Variants in SERPINA3 observed in about 807,000 individuals in gnomAD.
SERPINA3 encodes alpha-1-antichymotrypsin.
SERPINA3 carries 32 observed loss-of-function variants against 26.8 expected under a neutral mutation model. The observed-to-expected ratio is 1.20, with a 90% CI of 0.90 to 1.61. The LOEUF is 1.61. Among genes scored for constraint, SERPINA3 ranks in the 40% most tolerant of loss-of-function variants. The pLI is 0.00. For synonymous variants in SERPINA3, 252 were observed against 206.4 expected, an observed-to-expected ratio of 1.22 and a Z score of -1.89; for missense variants, 632 against 517.9, an observed-to-expected ratio of 1.22 and a Z score of -2.14.
chr14:94,614,991 G>C lies in SERPINA3; in HGVS notation c.550G>C (p.Val184Leu). 1 of 1,614,046 alleles carries C rather than the reference G, an allele frequency of 6.2e-7. No homozygotes were observed. Among genetic ancestry groups the C allele is most frequent in the Non-Finnish European group, 8.5e-7 (1 of 1,179,898 alleles). The change falls in exon 2 of 5, where the codon GTG becomes CTG. Residue 184 changes from valine (V) to leucine (L), a missense_variant. By Grantham distance (32) the Val-to-Leu change is conservative. Coordinates refer to ENST00000393078, the MANE Select transcript of SERPINA3 (RefSeq NM_001085.5). Reference protein sequence around the residue: ...AAAKKLINDYVKNGTRGKITD... With the variant: ...AAAKKLINDYLKNGTRGKITD... ...AGCTAAGAAGCTCATCAACGACTAC[G>C]TGAAGAATGGAACTAGGGGGAAAAT... is the stretch of plus-strand genomic sequence containing the variant.
chr14:94,618,924 C>G, intron 2 of SERPINA3: 1 of 548,740 alleles, frequency 1.8e-6, no homozygotes, highest in Non-Finnish European at 3.3e-6. Flanking sequence ...CCTAAACCTT[C>G]TTTCTCTCTT....
chr14:94,614,369 G>A (rs1885897969), intron 1 of SERPINA3, 65 bp from the exon 2 acceptor site: 1 of 1,519,910 alleles, frequency 6.6e-7, no homozygotes, highest in South Asian at 1.1e-5. Flanking sequence ...GCTGGGTGGA[G>A]GGCAGTGGGA....
chr14:94,622,254 A>C (rs1886227010), intron 3 of SERPINA3, 87 bp from the exon 4 acceptor site: 2 of 1,273,908 alleles, frequency 1.6e-6, no homozygotes, highest in African/African-American at 1.5e-5. Flanking sequence ...ACTGTAGAGG[A>C]AACCAGGGAA....
At chr14:94,619,098 T>A (rs1886098831) in intron 2 of SERPINA3, 97 bp from the exon 3 acceptor site, 1 of 1,414,738 alleles carries the variant, frequency 7.1e-7, no homozygotes, top group Non-Finnish European at 1.0e-6. Flanking sequence ...GGGTCCCTCC[T>A]ATGAGGGACT....
At chr14:94,613,309 C>T (rs981872140) in intron 1 of SERPINA3, 2 of 152,152 alleles carry the variant, frequency 1.3e-5, no homozygotes, top group African/African-American at 2.4e-5. Flanking sequence ...CTCTTCTCCC[C>T]AGCACCCAAG....
At position 94,619,313 on chromosome 14, in the gene SERPINA3, C is replaced by T. The variant is rs1438866712; in HGVS notation, c.762C>T (p.Phe254=). 1 of 1,614,198 alleles carries T rather than the reference C, an allele frequency of 6.2e-7. No homozygotes were observed. The highest frequency in any genetic ancestry group is 1.1e-5 in the South Asian group (1 of 91,080). The change falls in exon 3 of 5, where the codon TTC becomes TTT. Residue 254 remains phenylalanine (F), a synonymous_variant. Transcript: ENST00000393078. The part of the protein sequence containing the change: ...MSLHHLTIPY[F]RDEELSCTVV... ...TGCATCACCTGACTATACCTTACTT[C>T]CGGGACGAGGAGCTGTCCTGCACCG...
chr14:94,617,419 G>A (rs1199707560), intron 2 of SERPINA3, among the ~76,000 whole-genome samples: 5 of 152,160 alleles, frequency 3.3e-5, no homozygotes, highest in African/African-American at 9.7e-5. Flanking sequence ...ACAAGAGAAT[G>A]TAGGGCCACC....
chr14:94,615,122 C>T (rs1885946681), intron 2 of SERPINA3, 38 bp downstream of exon 2: 3 of 1,606,846 alleles, frequency 1.9e-6, no homozygotes, highest in African/African-American at 1.3e-5. Flanking sequence ...AGAGGTGGAT[C>T]TCAGGGCCAT....
At chr14:94,620,658 G>C (rs1274804680) in intron 3 of SERPINA3, among the ~76,000 whole-genome samples, 3 of 152,214 alleles carry the variant, frequency 2.0e-5, no homozygotes, top group African/African-American at 2.4e-5. Context: ...ACATGAGGTG[G>C]GAGCCCACTG....
chr14:94,617,389 T>C (rs1039986593), intron 2 of SERPINA3, among the ~76,000 whole-genome samples: 4 of 151,876 alleles, frequency 2.6e-5, no homozygotes, highest in African/African-American at 9.7e-5. Context: ...TGGGGAAGTG[T>C]CAAGAAGGAA....
chr14:94,614,623 ACAAG>A lies in SERPINA3; in HGVS notation c.185_188del (p.Lys62SerfsTer2), dbSNP rs776949608. On this transcript the variant is annotated frameshift_variant, in exon 2 of 5. Transcript: ENST00000393078. LOFTEE classifies it high-confidence loss of function. ...AACGTGGACTTCGCTTTCAGCCTGT[ACAAG>A]CAGTTAGTCCTGAAGGCCCCTGATA... 16 of 1,613,988 alleles carry A rather than the reference ACAAG, an allele frequency of 9.9e-6. No individual in the cohort carries two copies. Among genetic ancestry groups the A allele is most frequent in the Non-Finnish European group, 5.1e-6 (6 of 1,180,012 alleles).
intron 3 of SERPINA3, among the ~76,000 whole-genome samples, chr14:94,621,018 G>T (rs1037762580): frequency 6.6e-6 from 1 of 152,100 alleles, no homozygotes; most frequent in Non-Finnish European, 1.5e-5. Context: ...GTGAGAATCC[G>T]GTGAGGTATT....
chr14:94,623,682 C>A lies in SERPINA3; in HGVS notation c.1140C>A (p.Ile380=), dbSNP rs768694834. ...TEASAATAVK[I]TLLSALVETR... is the part of the protein sequence containing the mutation. ...CATCTGCTGCCACAGCAGTCAAAAT[C>A]ACCCTCCTTTCTGCATTAGTGGAGA... The change falls in exon 5 of 5, where the codon ATC becomes ATA. Residue 380 remains isoleucine, a synonymous_variant. Transcript: ENST00000393078. 3.7e-5 allele frequency: 60 copies of A among 1,614,046 alleles called. No homozygotes were observed. Among genetic ancestry groups the A allele is most frequent in the Non-Finnish European group, 4.9e-5 (58 of 1,180,018 alleles).
intron 2 of SERPINA3, chr14:94,615,660 G>A: frequency 6.4e-6 from 2 of 311,130 alleles, no homozygotes; most frequent in South Asian, 5.0e-5. Context: ...TAAAAAATAT[G>A]TCACTGACAC....
chr14:94,622,563 T>A lies in SERPINA3; in HGVS notation c.1068+72T>A, dbSNP rs1886244759. 1.1e-5 allele frequency: 17 copies of A among 1,545,098 alleles called. 1 individual carries two copies. In the South Asian group the frequency reaches 1.8e-4, roughly 17 times the overall value. ...AATTGGTGAAGGCCAGATGGACTTT[T>A]GGGTACTCTTGAACTTGGGTTAATG... On this transcript the variant is annotated intron_variant, in intron 4 of 4. Transcript: ENST00000393078.
rs17473 is a variant in SERPINA3 at position 94,619,305 on chromosome 14, C to G, written c.754C>G (p.Pro252Ala). The G allele has an allele frequency of 4.6e-3, 7,362 of 1,614,150 alleles. 20 individuals carry two copies. The highest frequency in any genetic ancestry group is 5.9e-3 in the Non-Finnish European group (6,973 of 1,180,028). Residue 252 changes from proline to alanine, a missense_variant, in exon 3 of 5, where the codon CCT becomes GCT. Pro to Ala is a conservative substitution (Grantham distance 27). Coordinates refer to ENST00000393078, the MANE Select transcript of SERPINA3 (RefSeq NM_001085.5). ...GATGAGTTTGCATCACCTGACTATA[C>G]CTTACTTCCGGGACGAGGAGCTGTC... ...PMMSLHHLTIPYFRDEELSCT... is the reference protein window; with the variant it reads ...PMMSLHHLTIAYFRDEELSCT...
intron 3 of SERPINA3, among the ~76,000 whole-genome samples, chr14:94,622,108 C>T (rs2139964942): frequency 6.6e-6 from 1 of 152,348 alleles, no homozygotes; most frequent in Non-Finnish European, 1.5e-5. Flanking sequence ...AGCAGGGCCA[C>T]AACTCCAGGC....
At chr14:94,618,459 C>T (rs1428174961) in intron 2 of SERPINA3, 1 of 152,772 alleles carries the variant, frequency 6.5e-6, no homozygotes, top group African/African-American at 2.4e-5. Context: ...CTGACAGACA[C>T]TGAATCCAGG....
chr14:94,616,494 C>T (rs1886004991), intron 2 of SERPINA3, among the ~76,000 whole-genome samples: 1 of 152,186 alleles, frequency 6.6e-6, no homozygotes, highest in East Asian at 1.9e-4. Flanking sequence ...CATGCATGAG[C>T]TTCAGGCTGA....
Sources: allele counts gnomAD v4.1 joint callset (sites outside exome capture counted in the v4.1 genomes callset), GRCh38; gene constraint gnomAD v4.1.1; transcripts MANE v1.5; gene names NCBI Gene and HGNC (gene_info 2026-07-23, HGNC 2026-07-21).